The following CLSTN2 variants were observed in gnomAD, a reference collection of about 807,000 sequenced individuals.
CLSTN2 encodes the protein calsyntenin 2.
A neutral mutation model predicts 101.2 loss-of-function variants in CLSTN2; 48 were observed. The observed-to-expected ratio is 0.47, with a 90% confidence interval of 0.38 to 0.60. CLSTN2 has a LOEUF of 0.60. Ranked by LOEUF, CLSTN2 falls within the 20% of genes least tolerant of loss-of-function variation. CLSTN2 has a pLI of 0.00. For synonymous variants in CLSTN2, 481 were observed against 463.6 expected (o/e 1.04, Z -0.48); for missense variants, 1,160 against 1,238.2 (o/e 0.94, Z 0.95).
intron 1 of CLSTN2, among the ~76,000 whole-genome samples, chr3:140,037,949 A>T (rs187014558): frequency 2.6e-5 from 4 of 152,168 alleles, no homozygotes; most frequent in African/African-American, 9.7e-5. Flanking sequence ...TCTATCATTG[A>T]TGGGCATTTG....
chr3:140,457,919 G>A (rs1933445160), intron 6 of CLSTN2, among the ~76,000 whole-genome samples: 1 of 152,180 alleles, frequency 6.6e-6, no homozygotes, highest in African/African-American at 2.4e-5. Context: ...TACCTTCACA[G>A]ACACCACAAT....
At chr3:140,555,731 A>C (rs1035434145) in intron 10 of CLSTN2, among the ~76,000 whole-genome samples, 2 of 152,220 alleles carry the variant, frequency 1.3e-5, no homozygotes, top group Admixed American at 6.5e-5. Flanking sequence ...AATTCAGGGC[A>C]GTACAAAGGC....
intron 1 of CLSTN2, among the ~76,000 whole-genome samples, chr3:140,163,418 C>CCA (rs757576419): frequency 0.036 from 4,755 of 130,418 alleles, 165 homozygotes; most frequent in African/African-American, 0.17. Context: ...TTTTCTATCT[C>CCA]TACACACACA....
intron 2 of CLSTN2, among the ~76,000 whole-genome samples, chr3:140,201,818 G>A (rs1233326170): frequency 6.6e-6 from 1 of 151,852 alleles, no homozygotes; most frequent in African/African-American, 2.4e-5. Context: ...ATATGTGTGT[G>A]TGTATGTGTG....
chr3:140,459,471 G>A (rs1243048628), intron 6 of CLSTN2, 50 bp from the exon 7 acceptor site: 1 of 1,601,620 alleles, frequency 6.2e-7, no homozygotes, highest in Non-Finnish European at 8.5e-7. Flanking sequence ...GAAAACAGAT[G>A]AGGACACCGC....
At chr3:140,022,443 C>T (rs2007337508) in intron 1 of CLSTN2, among the ~76,000 whole-genome samples, 1 of 152,230 alleles carries the variant, frequency 6.6e-6, no homozygotes, top group Non-Finnish European at 1.5e-5. Flanking sequence ...TGGAGGCAAG[C>T]TGCCCAGGAG....
intron 1 of CLSTN2, among the ~76,000 whole-genome samples, chr3:139,962,835 C>A (rs1263750060): frequency 6.6e-6 from 1 of 152,024 alleles, no homozygotes; most frequent in Non-Finnish European, 1.5e-5. Context: ...TGGTTATTCC[C>A]AATAAAGCTG....
At chr3:140,259,667 C>CT in intron 2 of CLSTN2, among the ~76,000 whole-genome samples, 1 of 152,224 alleles carries the variant, frequency 6.6e-6, no homozygotes, top group South Asian at 2.1e-4. Context: ...CGACAGGCAA[C>CT]TAATGATCTG....
intron 4 of CLSTN2, among the ~76,000 whole-genome samples, chr3:140,412,661 G>A (rs1576553979): frequency 6.6e-6 from 1 of 152,152 alleles, no homozygotes; most frequent in East Asian, 1.9e-4. Flanking sequence ...TAGCCATTAA[G>A]TCTTACATTT....
Position 140,566,504 on chromosome 3 carries a change from C to T in CLSTN2, c.*251C>T, listed in dbSNP as rs1936030808. ...TTGTCCTGTAGCCTCCACTTCTGCC[C>T]TAAGTTCCCCAGCATCCTGACTACC... On this transcript the variant is annotated 3_prime_UTR_variant, in exon 17 of 17. Coordinates refer to ENST00000458420, the MANE Select transcript of CLSTN2 (RefSeq NM_022131.3). The T allele has an allele frequency of 1.9e-6, 1 of 525,160 alleles. No homozygotes were observed. The highest frequency in any genetic ancestry group is 2.6e-5 in the South Asian group (1 of 38,110). The allele number at this position is 525,160 out of a possible 1,614,324, so 32.5% of individuals were successfully genotyped here.
chr3:140,486,819 C>T (rs1469066059), intron 8 of CLSTN2, among the ~76,000 whole-genome samples: 1 of 152,184 alleles, frequency 6.6e-6, no homozygotes, highest in African/African-American at 2.4e-5. Flanking sequence ...CCTTCAAACC[C>T]TGAATTGGAA....
intron 1 of CLSTN2, among the ~76,000 whole-genome samples, chr3:140,039,239 A>T (rs921481646): frequency 6.6e-6 from 1 of 152,102 alleles, no homozygotes. Context: ...TTTAAATCTG[A>T]TTATTACTTT....
chr3:140,336,972 G>A (rs555655974), intron 2 of CLSTN2, among the ~76,000 whole-genome samples: 60 of 152,188 alleles, frequency 3.9e-4, no homozygotes, highest in African/African-American at 1.4e-3. Flanking sequence ...AACAGGTGAG[G>A]GGAGAACTGA....
At chr3:140,357,892 CATGTCAGGAATGCAGATGCTTTT>C (rs1438969968) in intron 2 of CLSTN2, among the ~76,000 whole-genome samples, 1 of 152,130 alleles carries the variant, frequency 6.6e-6, no homozygotes, top group Non-Finnish European at 1.5e-5. Context: ...TTCTGGATTA[CATGTCAGGAATGCAGATGCTTTT>C]ATGGATTCTA....
intron 8 of CLSTN2, among the ~76,000 whole-genome samples, chr3:140,487,698 T>A (rs1934267711): frequency 6.6e-6 from 1 of 152,236 alleles, no homozygotes; most frequent in Non-Finnish European, 1.5e-5. Context: ...ACATGAAATG[T>A]TAGATACTGA....
chr3:140,490,629 A>G (rs73231230), intron 8 of CLSTN2, among the ~76,000 whole-genome samples: 11,969 of 148,870 alleles, frequency 0.08, 628 homozygotes, highest in Non-Finnish European at 0.11. Flanking sequence ...TGGCACATCC[A>G]CTGGGACTAT....
intron 2 of CLSTN2, among the ~76,000 whole-genome samples, chr3:140,336,569 G>A (rs1360262857): frequency 6.6e-6 from 1 of 152,126 alleles, no homozygotes; most frequent in Non-Finnish European, 1.5e-5. Context: ...CCCAGATTCT[G>A]GGGCTCCGTC....
intron 1 of CLSTN2, among the ~76,000 whole-genome samples, chr3:140,145,852 A>G (rs2009773440): frequency 6.6e-6 from 1 of 152,248 alleles, no homozygotes; most frequent in African/African-American, 2.4e-5. Flanking sequence ...CATCCCACCC[A>G]TGTGGGACAG....
chr3:140,206,139 T>G (rs2010779078), intron 2 of CLSTN2, among the ~76,000 whole-genome samples: 1 of 152,254 alleles, frequency 6.6e-6, no homozygotes, highest in Non-Finnish European at 1.5e-5. Flanking sequence ...TGCTGAGATC[T>G]AGAGCTGTAA....
Sources: gnomAD v4.1 joint callset for allele counts (sites outside exome capture counted in the v4.1 genomes callset) on GRCh38, gnomAD v4.1.1 for gene constraint, MANE v1.5 for transcripts, NCBI Gene and HGNC (gene_info 2026-07-23, HGNC 2026-07-21) for gene names.